The following COL24A1 variants were observed in gnomAD, a reference collection of about 807,000 sequenced individuals.
COL24A1 encodes collagen type XXIV alpha 1 chain.
Under a neutral mutation model 253.9 loss-of-function variants are expected in COL24A1, and 224 were observed. The ratio of observed to expected loss-of-function variants is 0.88; its 90% CI spans 0.79 to 0.99. The LOEUF (loss-of-function observed/expected upper bound fraction) is 0.99. Among genes scored for constraint, COL24A1 ranks in the 50% least tolerant of loss-of-function variants. COL24A1 has a pLI of 0.00. For synonymous variants in COL24A1, 685 were observed against 673.7 expected (o/e 1.02, Z -0.26); for missense variants, 2,131 against 2,068.5 (o/e 1.03, Z -0.59).
chr1:85,776,778 C>T (rs1487730388), intron 52 of COL24A1, among the ~76,000 whole-genome samples: 1 of 151,866 alleles, frequency 6.6e-6, no homozygotes, highest in Non-Finnish European at 1.5e-5. Context: ...TACACACCTG[C>T]AAAAATGGAA....
chr1:85,927,530 T>A (rs1180622621), intron 24 of COL24A1, among the ~76,000 whole-genome samples: 1 of 128,472 alleles, frequency 7.8e-6, no homozygotes, highest in Admixed American at 8.3e-5. Flanking sequence ...TGCCCAGGCT[T>A]GCTTAGGTAA....
Position 86,112,601 on chromosome 1 carries a change from C to T in COL24A1, c.1565G>A (p.Gly522Glu). The change falls in exon 5 of 60, where the codon GGA (glycine) becomes GAA (glutamate). Residue 522 changes from glycine to glutamate, a missense_variant. Coordinates refer to ENST00000370571, the MANE Select transcript of COL24A1 (RefSeq NM_152890.7). ...RGPRGIPGPH[G>E]NPGLPGLPGP... ...AGGTAATCCAGGTAAACCAGGATTT[C>T]CATGTGGCCCTGGTATGCCCTGCAA... The T allele has an allele frequency of 6.2e-7, 1 of 1,613,226 alleles. No individual in the cohort carries two copies. Among genetic ancestry groups the T allele is most frequent in the Non-Finnish European group, 8.5e-7 (1 of 1,179,476 alleles).
intron 35 of COL24A1, among the ~76,000 whole-genome samples, chr1:85,869,650 G>C (rs1391032382): frequency 1.3e-5 from 2 of 152,134 alleles, no homozygotes; most frequent in African/African-American, 2.4e-5. Flanking sequence ...CAAATGCTGA[G>C]AGATTTTGTC....
intron 47 of COL24A1, among the ~76,000 whole-genome samples, chr1:85,788,993 GT>G (rs1338798651): frequency 3.3e-5 from 5 of 152,182 alleles, no homozygotes; most frequent in African/African-American, 1.2e-4. Flanking sequence ...GTCAGGCAGA[GT>G]GATGCTTCTA....
chr1:85,913,036 T>C (rs1383167946), intron 24 of COL24A1, among the ~76,000 whole-genome samples: 1 of 152,240 alleles, frequency 6.6e-6, no homozygotes, highest in Admixed American at 6.5e-5. Flanking sequence ...TTGCATTGTA[T>C]GTCTATTGGA....
intron 53 of COL24A1, among the ~76,000 whole-genome samples, chr1:85,764,467 C>T (rs1048585293): frequency 1.7e-4 from 9 of 54,176 alleles, no homozygotes; most frequent in Admixed American, 3.2e-4. Flanking sequence ...CACACACACA[C>T]ACACACACAC....
chr1:86,138,548 G>A (rs1650596816), intron 2 of COL24A1, among the ~76,000 whole-genome samples: 1 of 152,106 alleles, frequency 6.6e-6, no homozygotes, highest in Admixed American at 6.6e-5. Flanking sequence ...TTAAGGGGGA[G>A]TTTCCCTGCA....
At chr1:86,084,625 A>T (rs994516045) in intron 7 of COL24A1, among the ~76,000 whole-genome samples, 1 of 152,228 alleles carries the variant, frequency 6.6e-6, no homozygotes. Flanking sequence ...TTATTCTAAG[A>T]ACACAGAAAT....
intron 43 of COL24A1, among the ~76,000 whole-genome samples, chr1:85,828,009 A>G (rs1205022231): frequency 6.6e-6 from 1 of 151,650 alleles, no homozygotes; most frequent in Non-Finnish European, 1.5e-5. Context: ...TTTAATTGTG[A>G]TGTTAGGGTG....
intron 24 of COL24A1, among the ~76,000 whole-genome samples, chr1:85,959,011 G>T (rs1303926086): frequency 6.6e-6 from 1 of 152,124 alleles, no homozygotes; most frequent in African/African-American, 2.4e-5. Flanking sequence ...AAACCTGGAG[G>T]AGGGCCAGTT....
intron 20 of COL24A1, among the ~76,000 whole-genome samples, chr1:85,976,728 G>T (rs1261333510): frequency 1.3e-5 from 2 of 152,100 alleles, no homozygotes; most frequent in Admixed American, 1.3e-4. Context: ...ACCAACTCAG[G>T]ATATTATGGC....
intron 18 of COL24A1, among the ~76,000 whole-genome samples, chr1:86,020,208 C>A (rs190972202): frequency 0.015 from 2,299 of 151,908 alleles, 31 homozygotes; most frequent in Non-Finnish European, 0.024. Context: ...GCTGGGACTA[C>A]AGGTGCCTGC....
intron 37 of COL24A1, among the ~76,000 whole-genome samples, chr1:85,856,336 T>G (rs1678437463): frequency 6.6e-6 from 1 of 152,202 alleles, no homozygotes; most frequent in South Asian, 2.1e-4. Flanking sequence ...TTTAGTGCTA[T>G]AAACTTCCCT....
intron 37 of COL24A1, among the ~76,000 whole-genome samples, chr1:85,867,064 A>G (rs543902535): frequency 3.3e-4 from 50 of 152,196 alleles, no homozygotes; most frequent in Non-Finnish European, 5.7e-4. Flanking sequence ...AATTATAGTC[A>G]TTGATAAAAA....
At chr1:86,128,617 AT>A (rs1648685921) in intron 2 of COL24A1, among the ~76,000 whole-genome samples, 2 of 151,952 alleles carry the variant, frequency 1.3e-5, no homozygotes, top group Non-Finnish European at 2.9e-5. Context: ...CAGAAATATC[AT>A]TGGGAGGAGT....
intron 20 of COL24A1, among the ~76,000 whole-genome samples, chr1:85,973,784 C>G (rs1465897533): frequency 6.6e-6 from 1 of 152,066 alleles, no homozygotes; most frequent in African/African-American, 2.4e-5. Context: ...ATCTAGGCTA[C>G]TTTTTCTCTC....
chr1:86,068,760 G>C (rs1311266909), intron 7 of COL24A1, among the ~76,000 whole-genome samples: 4 of 152,066 alleles, frequency 2.6e-5, no homozygotes, highest in Non-Finnish European at 4.4e-5. Context: ...AGAGGACTTT[G>C]TTTGGCATCT....
chr1:85,797,386 C>T (rs1401815272), intron 47 of COL24A1, among the ~76,000 whole-genome samples: 1 of 152,078 alleles, frequency 6.6e-6, no homozygotes, highest in African/African-American at 2.4e-5. Context: ...CAGACAAGCT[C>T]AACTCCGACT....
intron 24 of COL24A1, among the ~76,000 whole-genome samples, chr1:85,926,509 C>A (rs74511078): frequency 0.2 from 30,085 of 152,036 alleles, 3,330 homozygotes; most frequent in Non-Finnish European, 0.24. Context: ...GAGTTCATGT[C>A]CTTTGCAGGG....
Sources: gnomAD v4.1 joint callset for allele counts (sites outside exome capture counted in the v4.1 genomes callset) on GRCh38, gnomAD v4.1.1 for gene constraint, MANE v1.5 for transcripts, NCBI Gene and HGNC (gene_info 2026-07-23, HGNC 2026-07-21) for gene names.